Variants in FHIT observed in about 807,000 individuals in gnomAD.
FHIT encodes the protein fragile histidine triad diadenosine triphosphatase, also known as bis(5'-adenosyl)-triphosphatase.
In FHIT, 19 loss-of-function variants were observed where a neutral mutation model predicts 17.9. That is an observed-to-expected ratio of 1.06 (90% confidence interval 0.74 to 1.56). The LOEUF is 1.56. Among genes scored for constraint, FHIT ranks in the 40% most tolerant of loss-of-function variants. FHIT has a pLI of 0.00. For synonymous variants in FHIT, 81 were observed against 69.7 expected, an observed-to-expected ratio of 1.16 and a Z score of -0.81; for missense variants, 248 against 189.2, an observed-to-expected ratio of 1.31 and a Z score of -1.82.
intron 4 of FHIT, among the ~76,000 whole-genome samples, chr3:60,711,966 A>C (rs200583236): frequency 0.13 from 19,345 of 152,140 alleles, 1,542 homozygotes; most frequent in Non-Finnish European, 0.17. Flanking sequence ...CAAGACACAT[A>C]ATTGTCAGAT....
chr3:60,110,594 G>T lies in FHIT; in HGVS notation c.104-96442C>A, dbSNP rs9833268. The stretch of plus-strand genomic sequence containing the variant: ...TTGGTAGCTGTGCATTCTTGGATAA[G>T]TTACATCACCTCCGAGCCTCAGTTT... On this transcript the variant is annotated intron_variant, in intron 5 of 9. Transcript: ENST00000492590. Among the ~76,000 whole-genome samples the T allele has an allele frequency of 4.7e-3, 709 of 152,216 alleles. 8 individuals are homozygous for T. Among genetic ancestry groups the T allele is most frequent in the African/African-American group, 0.016 (658 of 41,530 alleles).
intron 2 of FHIT, among the ~76,000 whole-genome samples, chr3:61,099,388 T>C (rs1035705049): frequency 6.6e-5 from 10 of 152,158 alleles, no homozygotes; most frequent in African/African-American, 2.4e-4. Context: ...TTTTTTTTGT[T>C]GTATCTCTGT....
chr3:60,944,069 T>G (rs1249623945), intron 3 of FHIT, among the ~76,000 whole-genome samples: 1 of 152,124 alleles, frequency 6.6e-6, no homozygotes, highest in East Asian at 1.9e-4. Flanking sequence ...GTATCTTTTC[T>G]CTCCCTGCCT....
chr3:60,213,669 A>G (rs1171023206), intron 5 of FHIT, among the ~76,000 whole-genome samples: 1 of 152,160 alleles, frequency 6.6e-6, no homozygotes, highest in African/African-American at 2.4e-5. Context: ...AACATCTCCT[A>G]AATATATGCC....
intron 4 of FHIT, chr3:60,732,092 C>G: frequency 1.6e-6 from 1 of 637,918 alleles, no homozygotes; most frequent in Non-Finnish European, 2.8e-6. Flanking sequence ...GGGGTAGTCT[C>G]CTGAGCTACA....
intron 4 of FHIT, among the ~76,000 whole-genome samples, chr3:60,687,652 CA>C (rs1309710249): frequency 1.3e-5 from 2 of 151,866 alleles, no homozygotes; most frequent in Non-Finnish European, 2.9e-5. Context: ...TTCTAGAGAA[CA>C]AAATTTAATA....
intron 2 of FHIT, among the ~76,000 whole-genome samples, chr3:61,046,121 G>T (rs1427703856): frequency 6.6e-6 from 1 of 152,036 alleles, no homozygotes; most frequent in Non-Finnish European, 1.5e-5. Flanking sequence ...CCAACAGAAG[G>T]CAAGAAATGA....
intron 4 of FHIT, among the ~76,000 whole-genome samples, chr3:60,591,760 G>A (rs530093552): frequency 6.6e-6 from 1 of 152,038 alleles, no homozygotes; most frequent in South Asian, 2.1e-4. Flanking sequence ...GGCAGAAGAG[G>A]GTGCTTTCCA....
intron 2 of FHIT, among the ~76,000 whole-genome samples, chr3:61,083,358 A>G (rs1383266856): frequency 6.6e-6 from 1 of 152,164 alleles, no homozygotes; most frequent in African/African-American, 2.4e-5. Context: ...TGGGAGGCCG[A>G]GGCGGGCGGA....
At chr3:60,284,488 G>C (rs1016228575) in intron 5 of FHIT, among the ~76,000 whole-genome samples, 1 of 152,030 alleles carries the variant, frequency 6.6e-6, no homozygotes, top group African/African-American at 2.4e-5. Flanking sequence ...TACAAGGTAG[G>C]TCATCTTAGT....
chr3:60,638,310 C>A (rs958157840), intron 4 of FHIT, among the ~76,000 whole-genome samples: 1 of 152,108 alleles, frequency 6.6e-6, no homozygotes, highest in Non-Finnish European at 1.5e-5. Flanking sequence ...CACCATTTCA[C>A]AGCTCTTAAT....
At chr3:59,947,634 T>A (rs528921539) in intron 7 of FHIT, among the ~76,000 whole-genome samples, 45 of 152,010 alleles carry the variant, frequency 3.0e-4, no homozygotes, top group Non-Finnish European at 5.3e-4. Context: ...CCTGGGGGAG[T>A]ATGCTGCAAC....
At chr3:60,258,962 G>T (rs952037094) in intron 5 of FHIT, among the ~76,000 whole-genome samples, 4 of 151,826 alleles carry the variant, frequency 2.6e-5, no homozygotes, top group African/African-American at 9.7e-5. Context: ...GAAGGGGAAG[G>T]GGAAGGTAAA....
chr3:60,117,810 A>AG (rs1705043372), intron 5 of FHIT, among the ~76,000 whole-genome samples: 1 of 151,918 alleles, frequency 6.6e-6, no homozygotes, highest in Non-Finnish European at 1.5e-5. Context: ...AAGGAAAAAA[A>AG]AATCCCCTGC....
At chr3:59,774,471 T>G (rs1473675861) in intron 8 of FHIT, among the ~76,000 whole-genome samples, 1 of 152,186 alleles carries the variant, frequency 6.6e-6, no homozygotes, top group Non-Finnish European at 1.5e-5. Flanking sequence ...CCTCAGTGTT[T>G]GTATCTGAAA....
chr3:60,682,259 C>T (rs1553697106), intron 4 of FHIT, among the ~76,000 whole-genome samples: 1 of 152,156 alleles, frequency 6.6e-6, no homozygotes, highest in African/African-American at 2.4e-5. Flanking sequence ...GGGTAAGCCA[C>T]CACACCCGGC....
At chr3:59,946,635 G>T (rs190395230) in intron 7 of FHIT, among the ~76,000 whole-genome samples, 9 of 152,238 alleles carry the variant, frequency 5.9e-5, no homozygotes, top group Admixed American at 2.0e-4. Context: ...TGTTCATTTG[G>T]TATGATGTTG....
intron 5 of FHIT, among the ~76,000 whole-genome samples, chr3:60,256,523 C>T (rs1337802706): frequency 1.3e-5 from 2 of 152,194 alleles, no homozygotes; most frequent in African/African-American, 4.8e-5. Flanking sequence ...ATGGTTACGC[C>T]ATTTTGTAGA....
In FHIT at chr3:60,362,125, T is replaced by C. The variant is rs115909410; in HGVS notation, c.103+174735A>G. Among the ~76,000 whole-genome samples, 841 of 152,282 alleles carry C rather than the reference T, an allele frequency of 5.5e-3. 9 individuals are homozygous for C. The highest frequency in any genetic ancestry group is 0.019 in the African/African-American group (786 of 41,550). On this transcript the variant is annotated intron_variant, in intron 5 of 9. Coordinates refer to ENST00000492590, the MANE Select transcript of FHIT (RefSeq NM_002012.4). The stretch of plus-strand genomic sequence containing the variant: ...ATTTGAAGTTTATAGCATGATGTTA[T>C]AGAATATATATAGATAGTGAAATGG...
Sources: allele counts gnomAD v4.1 joint callset (sites outside exome capture counted in the v4.1 genomes callset), GRCh38; gene constraint gnomAD v4.1.1; transcripts MANE v1.5; gene names NCBI Gene and HGNC (gene_info 2026-07-23, HGNC 2026-07-21).